The following NRXN1 variants were observed in gnomAD, a reference collection of about 807,000 sequenced individuals.
NRXN1 encodes the protein neurexin-1.
A neutral mutation model predicts 150.9 loss-of-function variants in NRXN1; 39 were observed. The observed-to-expected ratio is 0.26, with a 90% CI of 0.20 to 0.34. The LOEUF is 0.34. Among genes scored for constraint, NRXN1 ranks in the 10% least tolerant of loss-of-function variants. The probability of loss-of-function intolerance (pLI) is 1.00; values close to 1 mark genes in which losing one functional copy is unlikely to be tolerated. For synonymous variants in NRXN1, 924 were observed against 757.0 expected (o/e 1.22, Z -3.62); for missense variants, 1,815 against 1,949.9 (o/e 0.93, Z 1.30).
intron 17 of NRXN1, among the ~76,000 whole-genome samples, chr2:50,362,538 G>T (rs1558600699): frequency 6.6e-6 from 1 of 152,088 alleles, no homozygotes; most frequent in East Asian, 1.9e-4. Context: ...ACTTACAAGG[G>T]ATACGAAGGA....
At chr2:50,335,609 A>G (rs1415984017) in intron 17 of NRXN1, among the ~76,000 whole-genome samples, 1 of 152,216 alleles carries the variant, frequency 6.6e-6, no homozygotes, top group Non-Finnish European at 1.5e-5. Context: ...ATTCAACACT[A>G]AACTGCAGCA....
intron 5 of NRXN1, among the ~76,000 whole-genome samples, chr2:50,831,338 C>G (rs913299837): frequency 2.0e-5 from 3 of 152,152 alleles, no homozygotes; most frequent in Non-Finnish European, 4.4e-5. Context: ...AATACCTTAT[C>G]CTGACTAATA....
intron 17 of NRXN1, among the ~76,000 whole-genome samples, chr2:50,356,242 A>AT (rs980767991): frequency 5.3e-5 from 8 of 152,092 alleles, no homozygotes; most frequent in East Asian, 1.9e-4. Flanking sequence ...ATCATCTAAT[A>AT]TTTTTTTCTG....
intron 8 of NRXN1, among the ~76,000 whole-genome samples, chr2:50,560,424 G>GTTTA (rs376853823): frequency 0.26 from 23,515 of 89,386 alleles, 2,169 homozygotes; most frequent in Non-Finnish European, 0.31. Context: ...TCTGATGTAT[G>GTTTA]TTTATTTATT....
chr2:50,358,071 G>A (rs2078946503), intron 17 of NRXN1, among the ~76,000 whole-genome samples: 1 of 152,142 alleles, frequency 6.6e-6, no homozygotes, highest in African/African-American at 2.4e-5. Context: ...TTTTCCCATG[G>A]TCTTCACCAC....
intron 21 of NRXN1, among the ~76,000 whole-genome samples, chr2:49,946,040 G>A (rs574907152): frequency 2.7e-4 from 41 of 152,144 alleles, no homozygotes; most frequent in Non-Finnish European, 5.4e-4. Flanking sequence ...ACATCCTCCA[G>A]CATCTGTTGC....
chr2:49,956,685 CCA>C (rs1325268741), intron 21 of NRXN1, among the ~76,000 whole-genome samples: 1 of 152,042 alleles, frequency 6.6e-6, no homozygotes, highest in African/African-American at 2.4e-5. Context: ...ATGCTCTCTT[CCA>C]GTTATTATTA....
intron 21 of NRXN1, among the ~76,000 whole-genome samples, chr2:50,047,284 T>C (rs1035343): frequency 0.74 from 111,870 of 151,686 alleles, 42,012 homozygotes; most frequent in African/African-American, 0.88. Flanking sequence ...AATAATAATA[T>C]CAAGTTGTAC....
At chr2:50,383,296 C>T (rs79246103) in intron 17 of NRXN1, among the ~76,000 whole-genome samples, 4,229 of 152,102 alleles carry the variant, frequency 0.028, 170 homozygotes, top group African/African-American at 0.095. Flanking sequence ...AGGTATCACG[C>T]GGCCTGTTTT....
At chr2:50,945,483 T>A (rs996312883) in intron 2 of NRXN1, among the ~76,000 whole-genome samples, 2 of 142,682 alleles carry the variant, frequency 1.4e-5, no homozygotes, top group African/African-American at 5.3e-5. Context: ...TAACTAGATA[T>A]ATAAATATAT....
chr2:50,773,603 C>A (rs752350074), intron 5 of NRXN1, among the ~76,000 whole-genome samples: 6 of 152,134 alleles, frequency 3.9e-5, no homozygotes, highest in Admixed American at 1.3e-4. Flanking sequence ...AACTCCCAAG[C>A]TAATCCTGTG....
chr2:50,132,215 C>T (rs1705613131), intron 18 of NRXN1, among the ~76,000 whole-genome samples: 1 of 152,026 alleles, frequency 6.6e-6, no homozygotes, highest in Non-Finnish European at 1.5e-5. Context: ...TGTAACTCTA[C>T]TGCAAAGTAA....
At chr2:49,987,686 C>A (rs1681162351) in intron 21 of NRXN1, among the ~76,000 whole-genome samples, 1 of 151,558 alleles carries the variant, frequency 6.6e-6, no homozygotes, top group African/African-American at 2.4e-5. Flanking sequence ...AAATTTTGAG[C>A]CCATTATGTC....
At chr2:50,920,487 T>C (rs1348111059) in intron 5 of NRXN1, among the ~76,000 whole-genome samples, 1 of 151,788 alleles carries the variant, frequency 6.6e-6, no homozygotes, top group African/African-American at 2.4e-5. Context: ...TGTGTATTTA[T>C]ACATGCATCC....
At chr2:51,017,554 G>A (rs893959502) in intron 2 of NRXN1, among the ~76,000 whole-genome samples, 3 of 81,148 alleles carry the variant, frequency 3.7e-5, no homozygotes, top group Admixed American at 1.8e-4. Context: ...ATGAGGTCTC[G>A]CTTTTTTGTC....
At chr2:50,872,245 G>C (rs1299711109) in intron 5 of NRXN1, among the ~76,000 whole-genome samples, 2 of 151,806 alleles carry the variant, frequency 1.3e-5, no homozygotes, top group East Asian at 2.0e-4. Flanking sequence ...GGGAGAGAGA[G>C]ATGTGAGACC....
chr2:50,550,643 C>T (rs1667304679), intron 9 of NRXN1, among the ~76,000 whole-genome samples: 1 of 150,988 alleles, frequency 6.6e-6, no homozygotes, highest in Admixed American at 6.6e-5. Context: ...TTTTGCATTC[C>T]CATCAATGAA....
chr2:50,455,299 C>T lies in NRXN1; in HGVS notation c.3364+10143G>A, dbSNP rs921847715. On this transcript the variant is annotated intron_variant, in intron 17 of 22. Transcript: ENST00000401669. The stretch of plus-strand genomic sequence containing the variant: ...CATAAATGAGAGATAATACTGAAGA[C>T]CTACTCCATTTGGCTTTACATGGCC... Among the ~76,000 whole-genome samples, 30 of 152,148 alleles carry T rather than the reference C, an allele frequency of 2.0e-4. 1 individual carries two copies. Among genetic ancestry groups the T allele is most frequent in the African/African-American group, 6.0e-4 (25 of 41,438 alleles).
In NRXN1 at chr2:49,922,063, G is replaced by A. The variant is rs1331703447; in HGVS notation, c.4405C>T (p.Arg1469Ter). 6.2e-7 allele frequency: 1 copy of A among 1,614,004 alleles called. No homozygotes were observed. Among genetic ancestry groups the A allele is most frequent in the Non-Finnish European group, 8.5e-7 (1 of 1,180,000 alleles). ...DEGSYHVDES[R>*]NYISNSAQSN... ...TGTGCTGAGTTACTGATGTAGTTTC[G>A]ACTCTCGTCCACATGGTATGAGCCT... The change falls in exon 23 of 23, where the codon CGA becomes TGA. Residue 1469 changes from arginine (R) to a stop codon, truncating the protein, a stop_gained. Coordinates refer to ENST00000401669, the MANE Select transcript of NRXN1 (RefSeq NM_001330078.2). LOFTEE classifies it high-confidence loss of function.
Sources: allele counts gnomAD v4.1 joint callset (sites outside exome capture counted in the v4.1 genomes callset), GRCh38; gene constraint gnomAD v4.1.1; transcripts MANE v1.5; gene names NCBI Gene and HGNC (gene_info 2026-07-23, HGNC 2026-07-21).